SMURF1: variants seen among roughly 807,000 people sequenced by gnomAD.
SMURF1 encodes E3 ubiquitin-protein ligase SMURF1.
In SMURF1, 44 loss-of-function variants were observed where a neutral mutation model predicts 98.0. That is an observed-to-expected ratio of 0.45 (90% CI 0.35 to 0.58). SMURF1 has a LOEUF of 0.58. Ranked by LOEUF, SMURF1 falls within the 20% of genes least tolerant of loss-of-function variation. SMURF1 has a pLI of 0.00. For missense variants in SMURF1, 687 were observed against 938.4 expected (o/e 0.73, Z 3.50); for synonymous variants, 396 against 374.9 (o/e 1.06, Z -0.65).
chr7:99,084,986 G>T (rs993090825), intron 1 of SMURF1, among the ~76,000 whole-genome samples: 1 of 151,998 alleles, frequency 6.6e-6, no homozygotes, highest in Non-Finnish European at 1.5e-5. Flanking sequence ...CATCCTCCTC[G>T]TTCTCTCTCT....
chr7:99,040,618 G>A (rs1177336663), intron 12 of SMURF1, 62 bp from the exon 13 acceptor site: 20 of 1,347,718 alleles, frequency 1.5e-5, no homozygotes, highest in Admixed American at 3.1e-5. Flanking sequence ...TGGGAATCTC[G>A]TGCTGTCCCC....
intron 1 of SMURF1, among the ~76,000 whole-genome samples, chr7:99,124,441 A>C (rs1797703661): frequency 6.6e-6 from 1 of 152,196 alleles, no homozygotes; most frequent in Non-Finnish European, 1.5e-5. Flanking sequence ...ATACTTTTGG[A>C]GAGACTCCAA....
Position 99,057,516 on chromosome 7 carries a change from A to G in SMURF1, c.239T>C (p.Val80Ala). The G allele has an allele frequency of 6.4e-7, 1 of 1,562,032 alleles. No individual in the cohort carries two copies. Among genetic ancestry groups the G allele is most frequent in the South Asian group, 1.2e-5 (1 of 81,160 alleles). ...CTTGTGAATTTTCTTATGGTTCCACACGCTAATGGTTATCGAATCCGTTTT... is the reference window on the plus strand; with the variant it reads ...CTTGTGAATTTTCTTATGGTTCCACGCGCTAATGGTTATCGAATCCGTTTT... ...VGKTDSITIS[V>A]WNHKKIHKKQ... The change falls in exon 4 of 18, where the codon GTG becomes GCG. Residue 80 changes from valine (V) to alanine (A), a missense_variant. Physicochemically the swap from Val to Ala is moderately conservative, Grantham distance 64. This residue lies in a region of SMURF1 where 415 missense variants were observed against 508.4 expected (regional missense o/e 0.82). Transcript: ENST00000361368.
intron 1 of SMURF1, among the ~76,000 whole-genome samples, chr7:99,087,229 A>T (rs1796702866): frequency 6.6e-6 from 1 of 152,060 alleles, no homozygotes; most frequent in African/African-American, 2.4e-5. Context: ...TTTTAATTTT[A>T]AAAAAATTAG....
In SMURF1 at chr7:99,057,284, A is replaced by C; in HGVS notation, c.338-14T>G. 1 of 1,614,202 alleles carries C rather than the reference A, an allele frequency of 6.2e-7. No individual in the cohort carries two copies. Among genetic ancestry groups the C allele is most frequent in the Non-Finnish European group, 8.5e-7 (1 of 1,180,034 alleles). On this transcript the variant is annotated splice_polypyrimidine_tract_variant and intron_variant, in intron 4 of 17. Coordinates refer to ENST00000361368, the MANE Select transcript of SMURF1 (RefSeq NM_181349.3). ...CCAAACGCTGGTCTGTAAACAAACA[A>C]TTCAAAACTTAACCCAAGGAACGTG...
rs571880877 is a variant in SMURF1, at chr7:99,060,100, G to A, written c.203+499C>T. ...ATCTATGAACATGCCAAATGCAGTC[G>A]GGCGCAGTGGCTCACGCCTGTAATC... is the stretch of plus-strand genomic sequence containing the variant. On this transcript the variant is annotated intron_variant, in intron 3 of 17. Transcript: ENST00000361368. Among the ~76,000 whole-genome samples the A allele has an allele frequency of 1.2e-4, 18 of 151,278 alleles. No individual in the cohort carries two copies. In the South Asian group the frequency reaches 3.4e-3, roughly 28 times the overall value.
chr7:99,030,590 C>A lies in SMURF1; in HGVS notation c.2190G>T (p.Val730=). The A allele has an allele frequency of 1.9e-6, 3 of 1,614,088 alleles. No individual in the cohort carries two copies. Among genetic ancestry groups the A allele is most frequent in the Non-Finnish European group, 1.7e-6 (2 of 1,179,964 alleles). ...TGTTGCCTTTGGTTGCTTTTCACTC[C>A]ACAGCAAACCCGCAGGTCTCCTCCA... is the stretch of plus-strand genomic sequence containing the variant. ...TAVEETCGFA[V]E Residue 730 remains valine (V), a synonymous_variant, in exon 18 of 18, where the codon GTG becomes GTT. Transcript: ENST00000361368.
chr7:99,089,897 C>T (rs1037334467), intron 1 of SMURF1, among the ~76,000 whole-genome samples: 9 of 152,130 alleles, frequency 5.9e-5, no homozygotes, highest in African/African-American at 2.2e-4. Flanking sequence ...TCACTTAAAC[C>T]TCCAAGGAGT....
chr7:99,047,885 T>A lies in SMURF1; in HGVS notation c.954-3A>T. 1 of 1,613,256 alleles carries A rather than the reference T, an allele frequency of 6.2e-7. No homozygotes were observed. Among genetic ancestry groups the A allele is most frequent in the Non-Finnish European group, 8.5e-7 (1 of 1,179,974 alleles). The stretch of plus-strand genomic sequence containing the variant: ...GCTCCTTGAGTTGGCACTGGTGACT[T>A]GAGAAGAAGAGATGCAGAAAGTCAC... On this transcript the variant is annotated splice_polypyrimidine_tract_variant and splice_region_variant and intron_variant, in intron 9 of 17. Coordinates refer to ENST00000361368, the MANE Select transcript of SMURF1 (RefSeq NM_181349.3).
intron 1 of SMURF1, among the ~76,000 whole-genome samples, chr7:99,128,480 T>C (rs775121623): frequency 1.1e-4 from 17 of 152,220 alleles, no homozygotes; most frequent in Non-Finnish European, 2.2e-4. Context: ...AATGGCATTC[T>C]CACAAGGCTA....
intron 1 of SMURF1, among the ~76,000 whole-genome samples, chr7:99,101,705 C>T (rs565813916): frequency 1.3e-5 from 2 of 152,244 alleles, no homozygotes; most frequent in African/African-American, 2.4e-5. Context: ...TTCGGGAGGC[C>T]GAGGCAGGCG....
intron 11 of SMURF1, among the ~76,000 whole-genome samples, 166 bp from the exon 12 acceptor site, chr7:99,042,398 C>G (rs972420741): frequency 1.3e-5 from 2 of 152,112 alleles, no homozygotes; most frequent in Non-Finnish European, 1.5e-5. Context: ...TCCTGCCTCC[C>G]GAGTAGCTGG....
chr7:99,112,860 T>C (rs1350356244), intron 1 of SMURF1, among the ~76,000 whole-genome samples: 1 of 152,082 alleles, frequency 6.6e-6, no homozygotes, highest in Non-Finnish European at 1.5e-5. Context: ...GTTTGAAAAG[T>C]ACAATAATGT....
chr7:99,108,626 AAAAAAAAAAG>A (rs1171372494), intron 1 of SMURF1, among the ~76,000 whole-genome samples: 7 of 148,844 alleles, frequency 4.7e-5, no homozygotes, highest in African/African-American at 1.5e-4. Context: ...AAAAAAAAAA[AAAAAAAAAAG>A]AAAGAAAGAA....
intron 1 of SMURF1, among the ~76,000 whole-genome samples, chr7:99,116,764 C>T (rs1411826199): frequency 1.3e-5 from 2 of 152,126 alleles, no homozygotes; most frequent in African/African-American, 4.8e-5. Flanking sequence ...TATTAGATGA[C>T]AATATTCCTA....
intron 9 of SMURF1, 54 bp from the exon 10 acceptor site, chr7:99,047,936 C>T: frequency 6.5e-7 from 1 of 1,549,008 alleles, no homozygotes; most frequent in East Asian, 2.2e-5. Flanking sequence ...AGGGGAGCTG[C>T]AAGCACCCAC....
chr7:99,091,927 C>A (rs1796822786), intron 1 of SMURF1, among the ~76,000 whole-genome samples: 1 of 152,156 alleles, frequency 6.6e-6, no homozygotes, highest in African/African-American at 2.4e-5. Context: ...AATCTTTATT[C>A]ACTGCACCAG....
At chr7:99,102,560 C>G (rs1406942206) in intron 1 of SMURF1, among the ~76,000 whole-genome samples, 1 of 152,134 alleles carries the variant, frequency 6.6e-6, no homozygotes, top group African/African-American at 2.4e-5. Flanking sequence ...ATTGTTGATT[C>G]TGTGTCAAAC....
At chr7:99,047,178 C>T (rs1049561584) in intron 10 of SMURF1, among the ~76,000 whole-genome samples, 3 of 152,236 alleles carry the variant, frequency 2.0e-5, no homozygotes, top group Non-Finnish European at 4.4e-5. Flanking sequence ...TGCTCCTCGC[C>T]AATTTCCACA....
Sources: allele counts gnomAD v4.1 joint callset (sites outside exome capture counted in the v4.1 genomes callset), GRCh38; gene constraint gnomAD v4.1.1; regional missense constraint gnomAD v4.1.1; transcripts MANE v1.5; gene names NCBI Gene and HGNC (gene_info 2026-07-23, HGNC 2026-07-21).